The following CNIH3 variants were observed in gnomAD, a reference collection of about 807,000 sequenced individuals.
CNIH3 encodes the protein cornichon family AMPA receptor auxiliary protein 3.
CNIH3 carries 14 observed loss-of-function variants against 24.1 expected under a neutral mutation model. That is an observed-to-expected ratio of 0.58 (90% CI 0.38 to 0.91). CNIH3 has a LOEUF of 0.91. Ranked by LOEUF, CNIH3 falls within the 40% of genes least tolerant of loss-of-function variation. The probability of loss-of-function intolerance (pLI) is 0.00; values close to 1 mark genes in which losing one functional copy is unlikely to be tolerated. For missense variants in CNIH3, 178 were observed against 196.8 expected, an observed-to-expected ratio of 0.90 and a Z score of 0.57; for synonymous variants, 68 against 73.8, an observed-to-expected ratio of 0.92 and a Z score of 0.40.
Position 224,588,005 on chromosome 1 carries a change from G to A in CNIH3, n.621-356G>A, listed in dbSNP as rs116720287. ...AATAATTAATTACAAGATGAGACCA[G>A]TTATGGAAATGCATTTCTAGTTTTT... On this transcript the variant is annotated intron_variant and non_coding_transcript_variant, in intron 5 of 5. Coordinates refer to the CNIH3 transcript ENST00000471578. Among the ~76,000 whole-genome samples, 696 of 151,430 alleles carry A rather than the reference G, an allele frequency of 4.6e-3. 3 individuals are homozygous for A. Among genetic ancestry groups the A allele is most frequent in the African/African-American group, 0.016 (662 of 41,270 alleles).
At chr1:224,722,232 C>G (rs1279747943) in intron 3 of CNIH3, among the ~76,000 whole-genome samples, 1 of 152,108 alleles carries the variant, frequency 6.6e-6, no homozygotes, top group African/African-American at 2.4e-5. Flanking sequence ...CCCGGTGACC[C>G]TTGTACGCTT....
chr1:224,457,891 T>C (rs2102977634), intron 1 of CNIH3, among the ~76,000 whole-genome samples: 1 of 152,348 alleles, frequency 6.6e-6, no homozygotes, highest in African/African-American at 2.4e-5. Flanking sequence ...TACACTAGGA[T>C]AGAAAATTTC....
intron 2 of CNIH3, among the ~76,000 whole-genome samples, chr1:224,535,333 G>C (rs1056361655): frequency 1.3e-5 from 2 of 151,930 alleles, no homozygotes; most frequent in African/African-American, 4.8e-5. Flanking sequence ...AGTGAGGAAG[G>C]CTCCTCCCCT....
At chr1:224,535,977 T>G (rs911967893) in intron 2 of CNIH3, among the ~76,000 whole-genome samples, 2 of 152,200 alleles carry the variant, frequency 1.3e-5, no homozygotes, top group Non-Finnish European at 2.9e-5. Flanking sequence ...CTGGCTCTTT[T>G]GTTAACATCC....
downstream of CNIH3, among the ~76,000 whole-genome samples, chr1:224,589,774 G>C (rs1368537252): frequency 6.6e-6 from 1 of 152,202 alleles, no homozygotes; most frequent in Non-Finnish European, 1.5e-5. Context: ...GAAAAGTGGA[G>C]CCCAGGGCAG....
At chr1:224,566,561 T>C (rs112897400) in intron 4 of CNIH3, among the ~76,000 whole-genome samples, 1,753 of 152,184 alleles carry the variant, frequency 0.012, 32 homozygotes, top group African/African-American at 0.04. Flanking sequence ...TGATATTCCC[T>C]TCCCTGTGTC....
At chr1:224,737,154 C>T (rs915241930) in intron 5 of CNIH3, among the ~76,000 whole-genome samples, 23 of 140,242 alleles carry the variant, frequency 1.6e-4, no homozygotes, top group African/African-American at 4.7e-4. Context: ...GGAGCCGAGG[C>T]GTCGCAGGGA....
intron 1 of CNIH3, among the ~76,000 whole-genome samples, chr1:224,496,454 C>T (rs1256675459): frequency 8.2e-6 from 1 of 122,368 alleles, no homozygotes; most frequent in African/African-American, 3.1e-5. Flanking sequence ...TAGCCTGATA[C>T]TAGGAGAGCA....
At chr1:224,541,748 GC>G (rs1679520038), downstream of CNIH3, among the ~76,000 whole-genome samples, 1 of 152,108 alleles carries the variant, frequency 6.6e-6, no homozygotes, top group Non-Finnish European at 1.5e-5. Context: ...GGTGTTTATA[GC>G]TTTGCAATTC....
intron 2 of CNIH3, among the ~76,000 whole-genome samples, chr1:224,682,636 C>T (rs1686455507): frequency 3.9e-5 from 6 of 152,190 alleles, no homozygotes; most frequent in Admixed American, 3.9e-4. Flanking sequence ...TCTGTCAGTC[C>T]TGAAAGATTT....
chr1:224,563,506 C>T lies in CNIH3; in HGVS notation n.451-2693C>T, dbSNP rs530051506. ...GTGTGTGTGTGTGTGTGTATTCTAG[C>T]CTCAGGGAGAGTGAGAAGAGGGGAT... On this transcript the variant is annotated intron_variant and non_coding_transcript_variant, in intron 3 of 5. Transcript: ENST00000471578. Among the ~76,000 whole-genome samples the T allele has an allele frequency of 2.1e-5, 3 of 144,874 alleles. 1 individual carries two copies. The South Asian group carries it at 6.6e-4, about 32-fold the overall frequency.
At chr1:224,728,849 A>G (rs1689171341) in intron 3 of CNIH3, among the ~76,000 whole-genome samples, 1 of 152,246 alleles carries the variant, frequency 6.6e-6, no homozygotes, top group African/African-American at 2.4e-5. Context: ...TTTACCACGT[A>G]TTTGTTAAGT....
chr1:224,675,176 A>C (rs986151704), intron 1 of CNIH3, among the ~76,000 whole-genome samples: 7 of 152,220 alleles, frequency 4.6e-5, no homozygotes, highest in African/African-American at 1.7e-4. Flanking sequence ...GGTGAAATAC[A>C]AAAATAGGGG....
At chr1:224,629,577 T>C (rs191651485) in intron 1 of CNIH3, among the ~76,000 whole-genome samples, 3 of 152,294 alleles carry the variant, frequency 2.0e-5, no homozygotes, top group Admixed American at 2.0e-4. Flanking sequence ...ACCTTTTGGC[T>C]ACAGTGGATA....
chr1:224,591,254 G>A (rs1184220038), downstream of CNIH3, among the ~76,000 whole-genome samples: 1 of 152,160 alleles, frequency 6.6e-6, no homozygotes, highest in African/African-American at 2.4e-5. Context: ...CTCTATTCCA[G>A]CCACTGTTCT....
chr1:224,468,961 A>C (rs1330359997), intron 1 of CNIH3, among the ~76,000 whole-genome samples: 2 of 151,492 alleles, frequency 1.3e-5, no homozygotes, highest in Non-Finnish European at 2.9e-5. Context: ...TATCAAGTTG[A>C]GTCAGTTCCT....
Position 224,616,591 on chromosome 1 carries a change from C to T in CNIH3, c.-584C>T. 1.0e-6 allele frequency: 1 copy of T among 986,686 alleles called. No homozygotes were observed. 61.1% of individuals were successfully genotyped at this position (986,686 alleles called of 1,614,324 possible). ...GCGCAGGACCAACGGGACCTACCTC[C>T]TCCCGGCTACCTAAAGACTCCTTCT... is the stretch of plus-strand genomic sequence containing the variant. On this transcript the variant is annotated 5_prime_UTR_variant, in exon 1 of 6. Coordinates refer to ENST00000272133, the MANE Select transcript of CNIH3 (RefSeq NM_152495.2).
rs1685074816 is a variant in CNIH3 at position 224,655,920 on chromosome 1, G to C, written c.82-25038G>C. The stretch of plus-strand genomic sequence containing the variant: ...AGGTTGTGGGACTGGGGTCTCACTG[G>C]ATGTGGTGATTATGTGAGTTTCAGC... On this transcript the variant is annotated intron_variant, in intron 1 of 5. Coordinates refer to ENST00000272133, the MANE Select transcript of CNIH3 (RefSeq NM_152495.2). 2.0e-5 allele frequency among the ~76,000 whole-genome samples: 3 copies of C among 152,196 alleles called. No individual in the cohort carries two copies. In the South Asian group the frequency reaches 6.2e-4, roughly 31 times the overall value.
At chr1:224,664,085 C>T (rs959427394) in intron 1 of CNIH3, among the ~76,000 whole-genome samples, 2 of 152,032 alleles carry the variant, frequency 1.3e-5, no homozygotes, top group African/African-American at 4.8e-5. Flanking sequence ...TGCCTTAAAT[C>T]AATTCCTCTC....
Sources: gnomAD v4.1 joint callset for allele counts (sites outside exome capture counted in the v4.1 genomes callset) on GRCh38, gnomAD v4.1.1 for gene constraint, MANE v1.5 for transcripts, NCBI Gene and HGNC (gene_info 2026-07-23, HGNC 2026-07-21) for gene names.